The following C4orf17 variants were observed in gnomAD, a reference collection of about 807,000 sequenced individuals.
C4orf17 encodes the protein chromosome 4 open reading frame 17.
A neutral mutation model predicts 32.0 loss-of-function variants in C4orf17; 25 were observed. The ratio of observed to expected loss-of-function variants is 0.78; its 90% CI spans 0.57 to 1.09. The LOEUF is 1.09. Among genes scored for constraint, C4orf17 ranks in the 50% least tolerant of loss-of-function variants. The pLI is 0.00. For synonymous variants in C4orf17, 149 were observed against 145.8 expected, an observed-to-expected ratio of 1.02 and a Z score of -0.16; for missense variants, 420 against 420.0, an observed-to-expected ratio of 1.00 and a Z score of 0.00.
chr4:99,528,236 G>T (rs1419637580), intron 4 of C4orf17, among the ~76,000 whole-genome samples: 1 of 152,008 alleles, frequency 6.6e-6, no homozygotes, highest in South Asian at 2.1e-4. Context: ...TTCAACAAAA[G>T]TTTATTCAAT....
intron 2 of C4orf17, among the ~76,000 whole-genome samples, chr4:99,517,461 T>C (rs1294716881): frequency 1.3e-5 from 2 of 152,162 alleles, no homozygotes; most frequent in African/African-American, 2.4e-5. Flanking sequence ...CTGGGCAGAA[T>C]TGACAGATAT....
chr4:99,517,588 A>G (rs1723209555), intron 2 of C4orf17, among the ~76,000 whole-genome samples: 1 of 150,812 alleles, frequency 6.6e-6, no homozygotes, highest in Admixed American at 6.6e-5. Flanking sequence ...TAAAAAATGT[A>G]GATTCTGTAA....
At chr4:99,521,516 G>A (rs1723287046) in intron 2 of C4orf17, among the ~76,000 whole-genome samples, 1 of 152,184 alleles carries the variant, frequency 6.6e-6, no homozygotes, top group African/African-American at 2.4e-5. Context: ...TGTGATAAAT[G>A]CTGTGGAAAA....
chr4:99,529,076 T>G (rs1475885567), intron 4 of C4orf17, among the ~76,000 whole-genome samples: 1 of 152,180 alleles, frequency 6.6e-6, no homozygotes, highest in Non-Finnish European at 1.5e-5. Flanking sequence ...TTGCTAAACA[T>G]AAAGTTAAAT....
intron 7 of C4orf17, among the ~76,000 whole-genome samples, 159 bp downstream of exon 7, chr4:99,539,529 T>C (rs572923644): frequency 3.9e-5 from 6 of 152,362 alleles, no homozygotes; most frequent in Admixed American, 1.3e-4. Context: ...TTTTCATATA[T>C]GTAATATAAG....
chr4:99,515,196 T>G (rs900285454), intron 2 of C4orf17, among the ~76,000 whole-genome samples: 2 of 152,098 alleles, frequency 1.3e-5, no homozygotes, highest in African/African-American at 4.8e-5. Context: ...AAATCACCAC[T>G]AAAGAACTTA....
chr4:99,522,660 A>T lies in C4orf17; in HGVS notation c.288A>T (p.Gly96=). ...STAVQESPVR[G]MSPAPNGAKV... is the part of the protein sequence containing the mutation. ...CAGTCCAGGAGAGCCCTGTAAGAGGAATGTCGCCAGCCCCAAACGGTGCCA... is the reference window on the plus strand; with the variant it reads ...CAGTCCAGGAGAGCCCTGTAAGAGGTATGTCGCCAGCCCCAAACGGTGCCA... The change falls in exon 3 of 9, where the codon GGA becomes GGT. Residue 96 remains glycine, a synonymous_variant. Transcript: ENST00000326581. The T allele has an allele frequency of 6.2e-7, 1 of 1,614,024 alleles. No individual in the cohort carries two copies.
chr4:99,517,566 T>G (rs1320001087), intron 2 of C4orf17, among the ~76,000 whole-genome samples: 1 of 97,366 alleles, frequency 1.0e-5, no homozygotes, highest in African/African-American at 3.2e-5. Context: ...TTTCTCTTTC[T>G]TTCTTCACCT....
At chr4:99,523,805 G>C (rs1324721265) in intron 3 of C4orf17, among the ~76,000 whole-genome samples, 1 of 151,916 alleles carries the variant, frequency 6.6e-6, no homozygotes, top group Non-Finnish European at 1.5e-5. Context: ...GAAATGGGTA[G>C]GGTTGAGAGG....
At chr4:99,537,525 G>A (rs958891214) in intron 5 of C4orf17, 144 bp from the exon 6 acceptor site, 18 of 622,104 alleles carry the variant, frequency 2.9e-5, no homozygotes, top group Non-Finnish European at 4.3e-5. Context: ...AATCGAGCTC[G>A]TGAGTTAAAA....
rs1282714840 is a variant in C4orf17, at chr4:99,535,956, T to C, written c.547-1713T>C. 3 of 423,122 alleles carry C rather than the reference T, an allele frequency of 7.1e-6. No individual in the cohort carries two copies. The Admixed American group carries it at 7.6e-5, about 11-fold the overall frequency. The allele number at this position is 423,122 out of a possible 1,614,324, so 26.2% of individuals were successfully genotyped here. On this transcript the variant is annotated intron_variant, in intron 5 of 8. Coordinates refer to ENST00000326581, the MANE Select transcript of C4orf17 (RefSeq NM_032149.3). Reference sequence around the variant, plus strand: ...TGTTGTTGTTTTTTTCTGTTTTTCTTCTAACAGGCCACTCTTCTGTAGGGC... The same window carrying C: ...TGTTGTTGTTTTTTTCTGTTTTTCTCCTAACAGGCCACTCTTCTGTAGGGC...
chr4:99,520,462 T>A (rs1380556496), intron 2 of C4orf17, among the ~76,000 whole-genome samples: 1 of 152,186 alleles, frequency 6.6e-6, no homozygotes, highest in African/African-American at 2.4e-5. Context: ...CATTGAAGAA[T>A]TTTCTTTCTG....
intron 5 of C4orf17, among the ~76,000 whole-genome samples, chr4:99,533,266 G>C (rs1723506463): frequency 6.6e-6 from 1 of 152,126 alleles, no homozygotes; most frequent in South Asian, 2.1e-4. Flanking sequence ...ATTAATTTGG[G>C]GAGATAAGGG....
chr4:99,535,938 G>GT (rs1375424262), intron 5 of C4orf17: 2 of 439,466 alleles, frequency 4.6e-6, no homozygotes, highest in Admixed American at 2.5e-5. Context: ...TGTTGTTGTT[G>GT]TTTTTTTCTG....
At chr4:99,516,562 A>G (rs1311290192) in intron 2 of C4orf17, among the ~76,000 whole-genome samples, 2 of 152,248 alleles carry the variant, frequency 1.3e-5, no homozygotes, top group Non-Finnish European at 2.9e-5. Context: ...TGGCTGGTCC[A>G]GCCACTCTGT....
At chr4:99,521,986 A>G (rs74987534) in intron 2 of C4orf17, among the ~76,000 whole-genome samples, 15,686 of 152,160 alleles carry the variant, frequency 0.1, 1,950 homozygotes, top group African/African-American at 0.29. Context: ...TTCTTTCACA[A>G]TCTACCTTAT....
chr4:99,522,874 C>A (rs1331006251), intron 3 of C4orf17, among the ~76,000 whole-genome samples, 165 bp downstream of exon 3: 2 of 152,104 alleles, frequency 1.3e-5, no homozygotes, highest in Non-Finnish European at 2.9e-5. Context: ...CTTCTAATCT[C>A]ATCAGTAGCA....
At chr4:99,529,443 A>G (rs1008349595) in intron 4 of C4orf17, among the ~76,000 whole-genome samples, 1 of 152,212 alleles carries the variant, frequency 6.6e-6, no homozygotes, top group Admixed American at 6.5e-5. Flanking sequence ...CAGACAAAGC[A>G]TAAAACCTCT....
At chr4:99,532,553 G>A (rs1455177978) in intron 5 of C4orf17, among the ~76,000 whole-genome samples, 2 of 152,110 alleles carry the variant, frequency 1.3e-5, no homozygotes, top group Non-Finnish European at 2.9e-5. Flanking sequence ...CCAAAATGTA[G>A]GAGGAAGGAA....
Sources: allele counts gnomAD v4.1 joint callset (sites outside exome capture counted in the v4.1 genomes callset), GRCh38; gene constraint gnomAD v4.1.1; transcripts MANE v1.5; gene names NCBI Gene and HGNC (gene_info 2026-07-23, HGNC 2026-07-21).